Variants in ANGPT2 observed in about 807,000 individuals in gnomAD.
The protein encoded by ANGPT2 is angiopoietin 2.
A neutral mutation model predicts 62.9 loss-of-function variants in ANGPT2; 28 were observed. That is an observed-to-expected ratio of 0.44 (90% CI 0.33 to 0.61). ANGPT2 has a LOEUF of 0.61. ANGPT2 is among the 20% of genes least tolerant of loss of function. ANGPT2 has a pLI of 0.03. For missense variants in ANGPT2, 727 were observed against 594.9 expected (o/e 1.22, Z -2.31); for synonymous variants, 284 against 207.8 (o/e 1.37, Z -3.15).
intron 1 of ANGPT2, among the ~76,000 whole-genome samples, chr8:6,533,858 T>C (rs1208765129): frequency 1.3e-5 from 2 of 152,212 alleles, no homozygotes; most frequent in Non-Finnish European, 2.9e-5. Context: ...GCTTTCTGTC[T>C]TTAAGAGTAG....
intron 1 of ANGPT2, among the ~76,000 whole-genome samples, chr8:6,539,029 T>TTGTG (rs34625219): frequency 1.3e-5 from 2 of 151,400 alleles, no homozygotes; most frequent in East Asian, 2.0e-4. Context: ...AGAGTTGGGC[T>TTGTG]TGTGTGTGTG....
At chr8:6,536,438 G>C (rs1409682841) in intron 1 of ANGPT2, among the ~76,000 whole-genome samples, 1 of 152,060 alleles carries the variant, frequency 6.6e-6, no homozygotes, top group Non-Finnish European at 1.5e-5. Flanking sequence ...AAATTGGCTT[G>C]AGTATGCCTT....
chr8:6,508,915 C>G lies in ANGPT2; in HGVS notation c.1327+17G>C, dbSNP rs778332069. ...TTCCTTGCCAATACAAATAGGAAGA[C>G]AGAAAGTCATCCCTACCTCCTGTTA... On this transcript the variant is annotated intron_variant, in intron 8 of 8. Transcript: ENST00000629816. The G allele has an allele frequency of 6.2e-7, 1 of 1,614,042 alleles. No homozygotes were observed. Among genetic ancestry groups the G allele is most frequent in the South Asian group, 1.1e-5 (1 of 91,068 alleles).
At position 6,503,271 on chromosome 8, in the gene ANGPT2, T is replaced by G; in HGVS notation, c.1328-10A>C. 1 of 1,613,952 alleles carries G rather than the reference T, an allele frequency of 6.2e-7. No individual in the cohort carries two copies. Among genetic ancestry groups the G allele is most frequent in the Non-Finnish European group, 8.5e-7 (1 of 1,179,970 alleles). On this transcript the variant is annotated splice_polypyrimidine_tract_variant and intron_variant, in intron 8 of 8. Coordinates refer to ENST00000629816, the MANE Select transcript of ANGPT2 (RefSeq NM_001118887.2). ...GCATCAAACCACCAGCCTGTGAAAG[T>G]AAAACACAGAAGGAATTAGGAACTA...
At chr8:6,506,845 A>G (rs1051732400) in intron 8 of ANGPT2, among the ~76,000 whole-genome samples, 1 of 151,960 alleles carries the variant, frequency 6.6e-6, no homozygotes, top group Non-Finnish European at 1.5e-5. Flanking sequence ...AAGACATGAA[A>G]ATTACTGAAT....
intron 1 of ANGPT2, 124 bp from the exon 2 acceptor site, chr8:6,532,611 C>T (rs1239180653): frequency 1.2e-5 from 8 of 679,410 alleles, no homozygotes; most frequent in African/African-American, 2.1e-5. Context: ...AAGACTTGTA[C>T]CTTGCCTTCC....
intron 3 of ANGPT2, among the ~76,000 whole-genome samples, chr8:6,526,684 G>C (rs1205517577): frequency 6.6e-6 from 1 of 152,110 alleles, no homozygotes; most frequent in African/African-American, 2.4e-5. Context: ...TGAACAAGAA[G>C]TTTATCATTT....
At chr8:6,529,487 T>C (rs1819036461) in intron 2 of ANGPT2, among the ~76,000 whole-genome samples, 1 of 151,208 alleles carries the variant, frequency 6.6e-6, no homozygotes, top group East Asian at 1.9e-4. Flanking sequence ...AGTCTCACTC[T>C]GTTGCCCAGG....
chr8:6,541,503 G>A (rs1455321542), intron 1 of ANGPT2, among the ~76,000 whole-genome samples: 1 of 152,206 alleles, frequency 6.6e-6, no homozygotes, highest in Non-Finnish European at 1.5e-5. Context: ...AGCCAGGGTT[G>A]TCATGCAGGA....
intron 1 of ANGPT2, among the ~76,000 whole-genome samples, chr8:6,535,351 G>T (rs1183613918): frequency 2.0e-5 from 3 of 152,100 alleles, no homozygotes; most frequent in Non-Finnish European, 4.4e-5. Context: ...TAGGAACTTT[G>T]AAAGACATAC....
chr8:6,530,530 AAGTAAT>A (rs1332809876), intron 2 of ANGPT2, among the ~76,000 whole-genome samples: 2 of 141,160 alleles, frequency 1.4e-5, no homozygotes, highest in Non-Finnish European at 3.1e-5. Context: ...AAAAAAAAAA[AAGTAAT>A]GGCAAAATCT....
intron 1 of ANGPT2, among the ~76,000 whole-genome samples, chr8:6,546,097 T>A (rs899486801): frequency 1.3e-5 from 2 of 152,236 alleles, no homozygotes; most frequent in Non-Finnish European, 2.9e-5. Context: ...CTTTCTAACA[T>A]CACATTTCTG....
At chr8:6,525,912 C>T (rs934634534) in intron 3 of ANGPT2, among the ~76,000 whole-genome samples, 5 of 151,982 alleles carry the variant, frequency 3.3e-5, no homozygotes, top group African/African-American at 1.2e-4. Flanking sequence ...CATAATTGAC[C>T]CAAATTGGTA....
intron 8 of ANGPT2, among the ~76,000 whole-genome samples, chr8:6,506,512 A>G (rs1813760243): frequency 1.3e-5 from 2 of 152,186 alleles, no homozygotes; most frequent in African/African-American, 4.8e-5. Context: ...TGGTCTAATA[A>G]GCACACCCTT....
chr8:6,532,318 G>A lies in ANGPT2; in HGVS notation c.444+14C>T. 2.5e-6 allele frequency: 4 copies of A among 1,614,044 alleles called. No individual in the cohort carries two copies. Among genetic ancestry groups the A allele is most frequent in the Non-Finnish European group, 3.4e-6 (4 of 1,180,010 alleles). On this transcript the variant is annotated intron_variant, in intron 2 of 8. Coordinates refer to ENST00000629816, the MANE Select transcript of ANGPT2 (RefSeq NM_001118887.2). ...GCTGCAGGGACACCGTGTGCTTTAT[G>A]TGGCATTACTTACTTGGGCTTCCAC...
At chr8:6,514,919 G>T in intron 5 of ANGPT2, 141 bp from the exon 6 acceptor site, 1 of 630,368 alleles carries the variant, frequency 1.6e-6, no homozygotes, top group Admixed American at 2.6e-5. Flanking sequence ...GTAGACCATC[G>T]GGGTTGTCTA....
At chr8:6,542,971 C>T (rs938315369) in intron 1 of ANGPT2, among the ~76,000 whole-genome samples, 2 of 152,074 alleles carry the variant, frequency 1.3e-5, no homozygotes, top group Admixed American at 6.6e-5. Context: ...CGGCAGGAAG[C>T]GTGTGTTGTT....
chr8:6,508,754 A>C, intron 8 of ANGPT2, 178 bp downstream of exon 8: 1 of 848,196 alleles, frequency 1.2e-6, no homozygotes, highest in Non-Finnish European at 1.9e-6. Flanking sequence ...TCATATTCTC[A>C]CTTAAAACTT....
At chr8:6,503,986 G>C (rs1029471080) in intron 8 of ANGPT2, among the ~76,000 whole-genome samples, 6 of 152,180 alleles carry the variant, frequency 3.9e-5, no homozygotes, top group Non-Finnish European at 5.9e-5. Flanking sequence ...CCTGAAGTCA[G>C]CTGGGCCAAA....
Sources: gnomAD v4.1 joint callset for allele counts (sites outside exome capture counted in the v4.1 genomes callset) on GRCh38, gnomAD v4.1.1 for gene constraint, MANE v1.5 for transcripts, NCBI Gene and HGNC (gene_info 2026-07-23, HGNC 2026-07-21) for gene names.